The following EXOC1L variants were observed in gnomAD, a reference collection of about 807,000 sequenced individuals.
EXOC1L encodes exocyst complex component 1-like.
A neutral mutation model predicts 4.9 loss-of-function variants in EXOC1L; 10 were observed. The observed-to-expected ratio is 2.02, with a 90% CI of 1.25 to 3.43. The LOEUF (loss-of-function observed/expected upper bound fraction) is 3.43, where lower values mean the gene tolerates loss of function less well. Among genes scored for constraint, EXOC1L ranks in the 30% most tolerant of loss-of-function variants. The probability of loss-of-function intolerance (pLI) is 0.00; values close to 1 mark genes in which losing one functional copy is unlikely to be tolerated. For synonymous variants in EXOC1L, 41 were observed against 20.8 expected, an observed-to-expected ratio of 1.97 and a Z score of -2.63; for missense variants, 114 against 59.4, an observed-to-expected ratio of 1.92 and a Z score of -3.02.
At position 55,835,431 on chromosome 4, in the gene EXOC1L, C is replaced by T. The variant is rs1044769084; in HGVS notation, c.253-1654C>T. Among the ~76,000 whole-genome samples the T allele has an allele frequency of 2.6e-5, 4 of 151,966 alleles. No individual in the cohort carries two copies. In the South Asian group the frequency reaches 6.2e-4, roughly 24 times the overall value. ...CTTTTAGTTCTTTAAGGAATCTCCC[C>T]CTTCTTTTCCATAGTGGTTGTGCTA... On this transcript the variant is annotated intron_variant, in intron 2 of 2. Coordinates refer to ENST00000636125, the MANE Select transcript of EXOC1L (RefSeq NM_001351574.3).
At chr4:55,834,770 C>A (rs541414684) in intron 2 of EXOC1L, among the ~76,000 whole-genome samples, 9 of 151,504 alleles carry the variant, frequency 5.9e-5, no homozygotes, top group African/African-American at 2.2e-4. Flanking sequence ...GCTTAAAAAC[C>A]ACACCACCTT....
Position 55,819,917 on chromosome 4 carries a change from TGGGCAGGA to T in EXOC1L, c.-109_-102del. 2 of 393,118 alleles carry T rather than the reference TGGGCAGGA, an allele frequency of 5.1e-6. No homozygotes were observed. The highest frequency in any genetic ancestry group is 9.0e-6 in the Non-Finnish European group (2 of 223,102). The allele number at this position is 393,118 out of a possible 1,614,324, so 24.4% of individuals were successfully genotyped here. A position where few individuals can be genotyped will look rare whatever the true frequency, so the allele number is the denominator to read the frequency against. ...AGTTAAGAGAGGGAGGGCTGAGAGG[TGGGCAGGA>T]CTCACCAAGGAGCTGCAAACCCAAA... On this transcript the variant is annotated 5_prime_UTR_variant, in exon 1 of 3. Coordinates refer to ENST00000636125, the MANE Select transcript of EXOC1L (RefSeq NM_001351574.3).
chr4:55,824,712 T>C (rs572918383), intron 1 of EXOC1L, among the ~76,000 whole-genome samples: 14 of 152,278 alleles, frequency 9.2e-5, no homozygotes, highest in African/African-American at 3.4e-4. Flanking sequence ...AGGGTAATTG[T>C]AGGTGAAGGT....
intron 1 of EXOC1L, among the ~76,000 whole-genome samples, chr4:55,826,154 T>C (rs34179097): frequency 0.053 from 8,132 of 152,046 alleles, 323 homozygotes; most frequent in Non-Finnish European, 0.083. Flanking sequence ...AATGGTAGTC[T>C]TCTCAGTGAC....
chr4:55,825,890 G>A (rs775250135), intron 1 of EXOC1L, among the ~76,000 whole-genome samples: 24 of 152,018 alleles, frequency 1.6e-4, no homozygotes, highest in Non-Finnish European at 2.9e-4. Context: ...TTTGAGACGA[G>A]CCTGGCCAAC....
intron 2 of EXOC1L, among the ~76,000 whole-genome samples, chr4:55,833,481 T>A (rs1172256164): frequency 6.6e-6 from 1 of 151,896 alleles, no homozygotes; most frequent in African/African-American, 2.4e-5. Context: ...ATTTTCTATT[T>A]TATATTTTTC....
intron 1 of EXOC1L, among the ~76,000 whole-genome samples, chr4:55,827,707 C>G (rs926730875): frequency 1.3e-5 from 2 of 152,184 alleles, no homozygotes; most frequent in African/African-American, 4.8e-5. Flanking sequence ...TCTCCCACCC[C>G]CTAAGCACCA....
intron 1 of EXOC1L, among the ~76,000 whole-genome samples, chr4:55,828,255 C>T (rs1719934384): frequency 6.6e-6 from 1 of 152,186 alleles, no homozygotes; most frequent in Non-Finnish European, 1.5e-5. Context: ...AAGGAGTCCT[C>T]TGCAAGTTGT....
chr4:55,836,133 G>A (rs2899039), intron 2 of EXOC1L, among the ~76,000 whole-genome samples: 65,602 of 151,586 alleles, frequency 0.43, 14,622 homozygotes, highest in African/African-American at 0.46. Flanking sequence ...TTGCCTGTAT[G>A]TGATGTTACA....
intron 1 of EXOC1L, 104 bp downstream of exon 1, chr4:55,820,251 G>A: frequency 2.6e-6 from 1 of 391,728 alleles, no homozygotes. Flanking sequence ...TATATAGCAC[G>A]TGTACCTTCT....
At chr4:55,829,875 G>A (rs1719978321) in intron 1 of EXOC1L, among the ~76,000 whole-genome samples, 1 of 152,176 alleles carries the variant, frequency 6.6e-6, no homozygotes, top group African/African-American at 2.4e-5. Context: ...CAAATCCAGA[G>A]TCTTTCAAAA....
At chr4:55,836,808 C>T (rs1371746556) in intron 2 of EXOC1L, among the ~76,000 whole-genome samples, 1 of 151,914 alleles carries the variant, frequency 6.6e-6, no homozygotes, top group Non-Finnish European at 1.5e-5. Context: ...CAATTCATTA[C>T]ATTGAGAAGA....
intron 1 of EXOC1L, among the ~76,000 whole-genome samples, 165 bp downstream of exon 1, chr4:55,820,312 T>C (rs1239284238): frequency 1.3e-5 from 2 of 152,166 alleles, no homozygotes; most frequent in Non-Finnish European, 2.9e-5. Flanking sequence ...TTCTACAGAA[T>C]TTTTTAGAGT....
chr4:55,828,733 A>G (rs150975890), intron 1 of EXOC1L, among the ~76,000 whole-genome samples: 4 of 152,236 alleles, frequency 2.6e-5, no homozygotes, highest in Non-Finnish European at 5.9e-5. Flanking sequence ...AGTCCCAGCT[A>G]CTCAGGAGGC....
intron 2 of EXOC1L, among the ~76,000 whole-genome samples, chr4:55,835,862 G>A (rs1262836923): frequency 6.6e-6 from 1 of 151,684 alleles, no homozygotes. Context: ...GCATGATTAT[G>A]TTTTGTTTTT....
chr4:55,836,370 T>C (rs1259263665), intron 2 of EXOC1L, among the ~76,000 whole-genome samples: 1 of 151,954 alleles, frequency 6.6e-6, no homozygotes, highest in East Asian at 1.9e-4. Context: ...AGGCAGATAA[T>C]GAATGTGAAA....
At chr4:55,826,397 G>A (rs1192347356) in intron 1 of EXOC1L, among the ~76,000 whole-genome samples, 1 of 152,002 alleles carries the variant, frequency 6.6e-6, no homozygotes, top group Non-Finnish European at 1.5e-5. Context: ...CTTCCATTTA[G>A]CCTCATGAAT....
chr4:55,834,514 C>T (rs931146942), intron 2 of EXOC1L, among the ~76,000 whole-genome samples: 1 of 151,922 alleles, frequency 6.6e-6, no homozygotes, highest in Non-Finnish European at 1.5e-5. Context: ...CATACTCAGG[C>T]TCCAATTATT....
At chr4:55,835,105 C>A (rs191022276) in intron 2 of EXOC1L, among the ~76,000 whole-genome samples, 3 of 151,686 alleles carry the variant, frequency 2.0e-5, no homozygotes, top group Non-Finnish European at 4.4e-5. Flanking sequence ...TGAGTTACTT[C>A]TCTTAGAATA....
Sources: gnomAD v4.1 joint callset for allele counts (sites outside exome capture counted in the v4.1 genomes callset) on GRCh38, gnomAD v4.1.1 for gene constraint, MANE v1.5 for transcripts, NCBI Gene and HGNC (gene_info 2026-07-23, HGNC 2026-07-21) for gene names.